Variants in IL19 observed in about 807,000 individuals in gnomAD.
The protein encoded by IL19 is interleukin 19.
In IL19, 15 loss-of-function variants were observed where a neutral mutation model predicts 19.5. That is an observed-to-expected ratio of 0.77 (90% confidence interval 0.52 to 1.19). IL19 has a LOEUF of 1.19. Ranked by LOEUF, IL19 falls within the 50% of genes most tolerant of loss-of-function variation. The probability of loss-of-function intolerance (pLI) is 0.00; values close to 1 mark genes in which losing one functional copy is unlikely to be tolerated. For synonymous variants in IL19, 78 were observed against 78.3 expected (o/e 1.00, Z 0.02); for missense variants, 199 against 213.1 (o/e 0.93, Z 0.41).
chr1:206,804,089 T>C (rs1675782717), intron 2 of IL19, among the ~76,000 whole-genome samples: 1 of 152,200 alleles, frequency 6.6e-6, no homozygotes, highest in South Asian at 2.1e-4. Flanking sequence ...GAGCTTCTTC[T>C]CTCACGCTTC....
chr1:206,808,593 G>A (rs1572559106), intron 2 of IL19, among the ~76,000 whole-genome samples: 1 of 152,108 alleles, frequency 6.6e-6, no homozygotes. Flanking sequence ...CACTGAGACA[G>A]AGTAAATGGA....
At chr1:206,808,609 G>A (rs531556772) in intron 2 of IL19, among the ~76,000 whole-genome samples, 2 of 152,232 alleles carry the variant, frequency 1.3e-5, no homozygotes, top group African/African-American at 4.8e-5. Context: ...ATGGAGTGAG[G>A]TGGGAGGGTG....
At chr1:206,823,447 C>G (rs567503949) in intron 2 of IL19, among the ~76,000 whole-genome samples, 6 of 151,594 alleles carry the variant, frequency 4.0e-5, no homozygotes, top group African/African-American at 1.5e-4. Context: ...CCCAGCTACT[C>G]GGGTTGCTGA....
chr1:206,824,544 A>G (rs561398626), intron 2 of IL19, among the ~76,000 whole-genome samples: 2 of 152,104 alleles, frequency 1.3e-5, no homozygotes, highest in South Asian at 4.2e-4. Context: ...TGTATGTTAT[A>G]CTGTCTGTTC....
intron 6 of IL19, among the ~76,000 whole-genome samples, chr1:206,841,360 G>A (rs1305504009): frequency 6.6e-6 from 1 of 152,214 alleles, no homozygotes; most frequent in Non-Finnish European, 1.5e-5. Context: ...CTTAAGATGG[G>A]ATGACACAGA....
Position 206,798,864 on chromosome 1 carries a change from G to A in IL19, c.-145G>A, listed in dbSNP as rs116126622. 8.1e-4 allele frequency: 1,187 copies of A among 1,459,204 alleles called. 8 individuals carry two copies. The African/African-American group carries it at 0.015, about 19-fold the overall frequency. The allele number at this position is 1,459,204 out of a possible 1,614,324, so 90.4% of individuals were successfully genotyped here. On this transcript the variant is annotated 5_prime_UTR_variant, in exon 2 of 7. Coordinates refer to ENST00000659997, the MANE Select transcript of IL19 (RefSeq NM_153758.5). ...CTCTCTATGATTTTCTCCATAGAGC[G>A]GTGCTTGCACACACTGACAGGAGTC...
chr1:206,780,889 C>T (rs1675114210), intron 1 of IL19, among the ~76,000 whole-genome samples: 2 of 152,174 alleles, frequency 1.3e-5, no homozygotes, highest in African/African-American at 4.8e-5. Context: ...AAGTCTGTGA[C>T]AATAAGTTTC....
intron 1 of IL19, among the ~76,000 whole-genome samples, chr1:206,775,228 A>G (rs1162545352): frequency 6.6e-6 from 1 of 150,808 alleles, no homozygotes; most frequent in African/African-American, 2.4e-5. Context: ...TTTTTTTTGT[A>G]TTTTTATTAG....
chr1:206,826,225 A>G (rs1676430407), intron 2 of IL19, among the ~76,000 whole-genome samples: 1 of 152,188 alleles, frequency 6.6e-6, no homozygotes, highest in Admixed American at 6.5e-5. Context: ...TTTTAGCCCT[A>G]AGCTGCAAAT....
chr1:206,831,994 C>T (rs975791241), intron 2 of IL19, among the ~76,000 whole-genome samples: 29 of 152,238 alleles, frequency 1.9e-4, no homozygotes, highest in African/African-American at 5.3e-4. Flanking sequence ...CTTACATGTG[C>T]AGCTGGGCTC....
At chr1:206,781,181 C>T (rs143623180) in intron 1 of IL19, among the ~76,000 whole-genome samples, 9,725 of 151,896 alleles carry the variant, frequency 0.064, 378 homozygotes, top group Middle Eastern at 0.088. Flanking sequence ...CGCGGTGGCT[C>T]ACGCCTGTAA....
At chr1:206,831,431 T>C (rs1329300827) in intron 2 of IL19, among the ~76,000 whole-genome samples, 1 of 152,194 alleles carries the variant, frequency 6.6e-6, no homozygotes, top group Non-Finnish European at 1.5e-5. Context: ...CATAATTGAA[T>C]TGCAATCCTG....
intron 1 of IL19, among the ~76,000 whole-genome samples, chr1:206,771,900 C>T (rs1218445532): frequency 6.6e-6 from 1 of 152,250 alleles, no homozygotes; most frequent in African/African-American, 2.4e-5. Context: ...TGGAAACGCT[C>T]TAAGCAGAGG....
At chr1:206,807,596 GA>G (rs1675880224) in intron 2 of IL19, among the ~76,000 whole-genome samples, 1 of 152,096 alleles carries the variant, frequency 6.6e-6, no homozygotes, top group South Asian at 2.1e-4. Flanking sequence ...CTCAAAATCT[GA>G]AAATAAGTTT....
chr1:206,839,249 T>C (rs976899508), intron 4 of IL19, among the ~76,000 whole-genome samples: 5 of 152,198 alleles, frequency 3.3e-5, no homozygotes, highest in Non-Finnish European at 7.3e-5. Context: ...CTCTTGCAAA[T>C]CTCAGCCTCA....
rs868329934 is a variant in IL19 at position 206,801,185 on chromosome 1, C to A, written c.-3+2179C>A. Among the ~76,000 whole-genome samples the A allele has an allele frequency of 8.9e-3, 1,166 of 131,622 alleles. 18 individuals carry two copies. Among genetic ancestry groups the A allele is most frequent in the African/African-American group, 0.029 (1,062 of 37,116 alleles). 86.3% of individuals were successfully genotyped at this position (131,622 alleles called of 152,430 possible). ...TTCGTAGTTTAAAAAAAAAAAAAAA[C>A]CACAGATGTCTGCCTCCAGACCCCT... On this transcript the variant is annotated intron_variant, in intron 2 of 6. Coordinates refer to ENST00000659997, the MANE Select transcript of IL19 (RefSeq NM_153758.5).
intron 1 of IL19, among the ~76,000 whole-genome samples, chr1:206,794,225 C>A (rs564329529): frequency 1.1e-4 from 17 of 152,274 alleles, no homozygotes; most frequent in African/African-American, 4.1e-4. Context: ...TCCCCACCTG[C>A]AACTTGGAAA....
chr1:206,771,200 T>C (rs1674825903), intron 1 of IL19, 122 bp downstream of exon 1: 1 of 1,184,350 alleles, frequency 8.4e-7, no homozygotes, highest in Non-Finnish European at 1.3e-6. Context: ...GAGCCCTTTG[T>C]AAACCCTCTG....
In IL19 at chr1:206,770,988, C is replaced by G; in HGVS notation, c.-239C>G. 1 of 1,614,156 alleles carries G rather than the reference C, an allele frequency of 6.2e-7. No homozygotes were observed. The highest frequency in any genetic ancestry group is 8.5e-7 in the Non-Finnish European group (1 of 1,180,004). ...GCGCCTTGATGTCTGGGTCTTGGTTCTCAGCTTGGGGCATCACCTCCTCCA... is the reference window on the plus strand; with the variant it reads ...GCGCCTTGATGTCTGGGTCTTGGTTGTCAGCTTGGGGCATCACCTCCTCCA... On this transcript the variant is annotated 5_prime_UTR_variant, in exon 1 of 7. Coordinates refer to ENST00000659997, the MANE Select transcript of IL19 (RefSeq NM_153758.5).
Sources: gnomAD v4.1 joint callset for allele counts (sites outside exome capture counted in the v4.1 genomes callset) on GRCh38, gnomAD v4.1.1 for gene constraint, MANE v1.5 for transcripts, NCBI Gene and HGNC (gene_info 2026-07-23, HGNC 2026-07-21) for gene names.